The following TAL1 variants were observed in gnomAD, a reference collection of about 807,000 sequenced individuals.
TAL1 encodes T-cell acute lymphocytic leukemia protein 1.
In TAL1, 8 loss-of-function variants were observed where a neutral mutation model predicts 17.9. That is an observed-to-expected ratio of 0.45 (90% CI 0.26 to 0.81). The LOEUF (loss-of-function observed/expected upper bound fraction) is 0.81, where lower values mean the gene tolerates loss of function less well. TAL1 is among the 30% of genes least tolerant of loss of function. The probability of loss-of-function intolerance (pLI) is 0.17; values close to 1 mark genes in which losing one functional copy is unlikely to be tolerated. For synonymous variants in TAL1, 223 were observed against 218.6 expected (o/e 1.02, Z -0.18); for missense variants, 466 against 486.9 (o/e 0.96, Z 0.40).
chr1:47,230,247 A>G (rs1157708465), upstream of TAL1: 6 of 152,220 alleles, frequency 3.9e-5, no homozygotes, highest in Non-Finnish European at 8.8e-5. Flanking sequence ...ACCCGACACT[A>G]CTTTCAAGGA....
chr1:47,219,218 C>A, exon 4 of TAL1: 1 of 436,968 alleles, frequency 2.3e-6, no homozygotes, highest in Non-Finnish European at 4.3e-6. Context: ...CTGGATGGAT[C>A]AACATAGGCC....
chr1:47,219,928 C>T (rs1272376420), exon 4 of TAL1: 7 of 1,517,988 alleles, frequency 4.6e-6, no homozygotes, highest in East Asian at 2.3e-5. Flanking sequence ...CCCACCAGCC[C>T]CCACCACAGG....
intron 3 of TAL1, among the ~76,000 whole-genome samples, chr1:47,222,308 G>A (rs1643830364): frequency 6.6e-6 from 1 of 152,170 alleles, no homozygotes; most frequent in African/African-American, 2.4e-5. Flanking sequence ...GGTGGTCCAG[G>A]ACTTAGCTGT....
chr1:47,220,988 G>A (rs1479155092), intron 3 of TAL1, among the ~76,000 whole-genome samples: 1 of 152,186 alleles, frequency 6.6e-6, no homozygotes, highest in Non-Finnish European at 1.5e-5. Flanking sequence ...AAGGGGAGAG[G>A]AAGAAGAGTA....
At chr1:47,222,944 G>C (rs1421461218) in intron 3 of TAL1, among the ~76,000 whole-genome samples, 1 of 152,104 alleles carries the variant, frequency 6.6e-6, no homozygotes, top group Non-Finnish European at 1.5e-5. Flanking sequence ...TCTTAGACTA[G>C]AGAACTCCTC....
chr1:47,219,389 A>G (rs1229204547), exon 4 of TAL1: 1 of 583,676 alleles, frequency 1.7e-6, no homozygotes, highest in African/African-American at 1.8e-5. Flanking sequence ...GGTCTTAGGA[A>G]AGACAGGGAT....
chr1:47,219,657 T>C lies in TAL1; in HGVS notation c.*63A>G, dbSNP rs532517250. ...CGCCCAATTCTCACCCCACCTGCCC[T>C]GAAGCCCACCATCCCAGCAGCCTAA... On this transcript the variant is annotated 3_prime_UTR_variant, in exon 4 of 4. Coordinates refer to ENST00000294339, the Ensembl canonical transcript of TAL1. The C allele has an allele frequency of 4.2e-4, 664 of 1,597,018 alleles. 1 individual carries two copies. The Middle Eastern group carries it at 8.4e-3, about 20-fold the overall frequency.
chr1:47,225,496 G>A (rs1643893081), exon 2 of TAL1: 16 of 1,235,558 alleles, frequency 1.3e-5, no homozygotes, highest in Non-Finnish European at 1.5e-5. Context: ...CGCGGCCGGG[G>A]GCGGCGGGGG....
At chr1:47,219,371 C>T (rs1326650621) in exon 4 of TAL1, 2 of 570,402 alleles carry the variant, frequency 3.5e-6, no homozygotes, top group Non-Finnish European at 6.7e-6. Context: ...TGAGAGCTGA[C>T]AACCCCAGGT....
upstream of TAL1, among the ~76,000 whole-genome samples, chr1:47,231,501 T>C (rs1644013635): frequency 6.6e-6 from 1 of 151,910 alleles, no homozygotes; most frequent in African/African-American, 2.4e-5. Flanking sequence ...AGAAGCCGAC[T>C]TGGTCAGCCC....
At chr1:47,221,569 C>T (rs1206668150) in intron 3 of TAL1, among the ~76,000 whole-genome samples, 1 of 152,144 alleles carries the variant, frequency 6.6e-6, no homozygotes, top group Admixed American at 6.5e-5. Context: ...TCCCTAACAT[C>T]GAGGCACAAG....
chr1:47,224,439 A>G (rs1266400045), intron 2 of TAL1, among the ~76,000 whole-genome samples: 1 of 152,022 alleles, frequency 6.6e-6, no homozygotes, highest in Non-Finnish European at 1.5e-5. Flanking sequence ...CTTCACAGAT[A>G]GAAACACTCT....
At chr1:47,224,911 G>GGTCA (rs906714715) in intron 2 of TAL1, among the ~76,000 whole-genome samples, 12 of 152,248 alleles carry the variant, frequency 7.9e-5, no homozygotes, top group Non-Finnish European at 1.8e-4. Context: ...TGGAGGGACA[G>GGTCA]GTCAGTCCTC....
chr1:47,228,794 C>T (rs1244102692), intron 1 of TAL1: 1 of 158,240 alleles, frequency 6.3e-6, no homozygotes, highest in Admixed American at 6.5e-5. Context: ...AGGCCTCAGG[C>T]CTGGGATCAG....
At chr1:47,231,112 G>A, upstream of TAL1, 1 of 167,306 alleles carries the variant, frequency 6.0e-6, no homozygotes, top group Non-Finnish European at 1.3e-5. Flanking sequence ...GAAGGCGCCG[G>A]CCTCGGCGAG....
At chr1:47,227,948 C>T (rs543175461) in intron 1 of TAL1, 10 of 152,396 alleles carry the variant, frequency 6.6e-5, no homozygotes, top group African/African-American at 2.4e-4. Flanking sequence ...TAAGCCCCAG[C>T]TTCTAACCGA....
chr1:47,220,125 T>C (rs768644160), exon 4 of TAL1: 23 of 1,601,490 alleles, frequency 1.4e-5, no homozygotes, highest in South Asian at 2.2e-5. Flanking sequence ...GCTGCCGCCA[T>C]CGCTCCCGGC....
At chr1:47,227,970 C>T (rs1258926219) in intron 1 of TAL1, 1 of 152,282 alleles carries the variant, frequency 6.6e-6, no homozygotes, top group Non-Finnish European at 1.5e-5. Context: ...TGACAGTGTG[C>T]ACTGCAGTTG....
exon 4 of TAL1, chr1:47,219,869 C>G (rs1200651960): frequency 6.3e-7 from 1 of 1,590,902 alleles, no homozygotes; most frequent in African/African-American, 1.3e-5. Flanking sequence ...GAAAGCACGT[C>G]TTGCAGGAGG....
Sources: gnomAD v4.1 joint callset for allele counts (sites outside exome capture counted in the v4.1 genomes callset) on GRCh38, gnomAD v4.1.1 for gene constraint, MANE v1.5 for transcripts, NCBI Gene and HGNC (gene_info 2026-07-23, HGNC 2026-07-21) for gene names.